The following VPS13C variants were observed in gnomAD, a reference collection of about 807,000 sequenced individuals.
The protein encoded by VPS13C is vacuolar protein sorting 13 homolog C.
A neutral mutation model predicts 456.8 loss-of-function variants in VPS13C; 358 were observed. The ratio of observed to expected loss-of-function variants is 0.78; its 90% CI spans 0.72 to 0.86. The LOEUF (loss-of-function observed/expected upper bound fraction) is 0.86, where lower values mean the gene tolerates loss of function less well. Ranked by LOEUF, VPS13C falls within the 40% of genes least tolerant of loss-of-function variation. The pLI, the probability that VPS13C is intolerant of heterozygous loss-of-function variation, is 0.00. For synonymous variants in VPS13C, 1,578 were observed against 1,486.7 expected, an observed-to-expected ratio of 1.06 and a Z score of -1.41; for missense variants, 4,818 against 4,385.4, an observed-to-expected ratio of 1.10 and a Z score of -2.79.
chr15:62,045,529 G>C (rs542515655), intron 1 of VPS13C, among the ~76,000 whole-genome samples: 1 of 151,810 alleles, frequency 6.6e-6, no homozygotes, highest in Non-Finnish European at 1.5e-5. Flanking sequence ...GTAACTGGAG[G>C]GTATAAGAAA....
At chr15:61,999,990 G>A (rs546099371) in intron 16 of VPS13C, among the ~76,000 whole-genome samples, 1 of 151,838 alleles carries the variant, frequency 6.6e-6, no homozygotes, top group South Asian at 2.1e-4. Context: ...AATTATCACA[G>A]TAGTATTCTA....
intron 66 of VPS13C, among the ~76,000 whole-genome samples, chr15:61,903,188 A>G (rs969478685): frequency 7.2e-5 from 11 of 151,952 alleles, no homozygotes; most frequent in African/African-American, 2.4e-4. Context: ...ACAAAAACAA[A>G]AACGCTGGGC....
Position 61,969,357 on chromosome 15 carries a change from A to G in VPS13C, c.2853T>C (p.Phe951=), listed in dbSNP as rs1200368529. Residue 951 remains phenylalanine, a synonymous_variant, in exon 28 of 85, where the codon TTT becomes TTC. Transcript: ENST00000644861. ...QLGTEATMRT[F]DLTVVSYLKK... ...TTAAATAAGATACCACAGTTAAGTC[A>G]AATGTTCTCATTGTGGCCTCTGTTC... is the stretch of plus-strand genomic sequence containing the variant. The G allele has an allele frequency of 6.2e-7, 1 of 1,604,376 alleles. No individual in the cohort carries two copies. Among genetic ancestry groups the G allele is most frequent in the Admixed American group, 1.7e-5 (1 of 58,482 alleles).
rs2048968154 is a variant in VPS13C at position 62,060,441 on chromosome 15, G to A, written c.-67C>T. On this transcript the variant is annotated 5_prime_UTR_variant, in exon 1 of 85. Transcript: ENST00000644861. Reference sequence around the variant, plus strand: ...CCGGCGCAGCTGAGGGCTGCGACCAGCGCTGCAAATGACAGCCCCTCCGGC... The same window carrying A: ...CCGGCGCAGCTGAGGGCTGCGACCAACGCTGCAAATGACAGCCCCTCCGGC... 4 of 814,932 alleles carry A rather than the reference G, an allele frequency of 4.9e-6. No individual in the cohort carries two copies. Among genetic ancestry groups the A allele is most frequent in the South Asian group, 4.6e-5 (3 of 65,312 alleles). The allele number at this position is 814,932 out of a possible 1,614,324, so 50.5% of individuals were successfully genotyped here.
intron 27 of VPS13C, 139 bp downstream of exon 27, chr15:61,972,486 G>T: frequency 1.4e-6 from 1 of 723,240 alleles, no homozygotes; most frequent in Non-Finnish European, 2.2e-6. Context: ...GTGAGAGTGT[G>T]TATGTGCATG....
At position 61,984,951 on chromosome 15, in the gene VPS13C, T is replaced by A; in HGVS notation, c.1627A>T (p.Ile543Leu). ...TCTGGAATATTCTTGTTTTCTCTTA[T>A]CGTAACAGAGGTGCTTACTAACTTC... ...TLKLVSTSVT[I>L]RENKNIPEIL... Residue 543 changes from isoleucine (I) to leucine (L), a missense_variant, in exon 19 of 85, where the codon ATA (isoleucine) becomes TTA (leucine). This residue lies in a region of VPS13C where 4,552 missense variants were observed against 4,130.6 expected (regional missense o/e 1.10). Coordinates refer to ENST00000644861, the MANE Select transcript of VPS13C (RefSeq NM_020821.3). 6.2e-7 allele frequency: 1 copy of A among 1,610,596 alleles called. No individual in the cohort carries two copies. Among genetic ancestry groups the A allele is most frequent in the South Asian group, 1.1e-5 (1 of 90,020 alleles).
intron 5 of VPS13C, 99 bp downstream of exon 5, chr15:62,033,342 C>T: frequency 1.5e-6 from 1 of 679,730 alleles, no homozygotes. Flanking sequence ...GTCTTTAGAA[C>T]TTCAACTTAT....
intron 1 of VPS13C, among the ~76,000 whole-genome samples, chr15:62,055,234 CT>C (rs111700043): frequency 7.4e-5 from 11 of 148,172 alleles, no homozygotes; most frequent in East Asian, 2.0e-4. Context: ...CCTTCTCAAC[CT>C]TTTTTTTTTG....
intron 18 of VPS13C, among the ~76,000 whole-genome samples, chr15:61,986,579 C>G (rs1408666072): frequency 7.2e-5 from 11 of 152,174 alleles, no homozygotes. Context: ...GGAAATAAAA[C>G]TAGGAAGTGA....
intron 11 of VPS13C, 95 bp from the exon 12 acceptor site, chr15:62,012,259 A>G (rs1596474742): frequency 4.0e-6 from 2 of 498,754 alleles, no homozygotes; most frequent in Non-Finnish European, 6.9e-6. Context: ...CACACACACA[A>G]AGCTTGGTTC....
chr15:61,874,799 ATTTG>A, intron 77 of VPS13C, 73 bp downstream of exon 77: 2 of 1,294,190 alleles, frequency 1.5e-6, no homozygotes, highest in Non-Finnish European at 2.1e-6. Context: ...AAATAAAAGC[ATTTG>A]TTTTTCATAA....
chr15:61,878,570 A>T (rs755787401), intron 74 of VPS13C, 37 bp downstream of exon 74: 9 of 1,597,228 alleles, frequency 5.6e-6, no homozygotes, highest in Non-Finnish European at 7.7e-6. Context: ...TGACCTTGGT[A>T]CACCTGCTTC....
At chr15:61,971,616 G>A (rs187429710) in intron 27 of VPS13C, among the ~76,000 whole-genome samples, 1 of 152,182 alleles carries the variant, frequency 6.6e-6, no homozygotes, top group Non-Finnish European at 1.5e-5. Context: ...GTACCTGATG[G>A]AAGCAAAGAC....
intron 47 of VPS13C, among the ~76,000 whole-genome samples, chr15:61,939,876 C>T (rs1441602176): frequency 6.6e-6 from 1 of 151,912 alleles, no homozygotes; most frequent in Non-Finnish European, 1.5e-5. Flanking sequence ...TGCCTGTAAT[C>T]ACTGCTACTC....
chr15:61,985,139 CATAA>C, intron 18 of VPS13C, 140 bp from the exon 19 acceptor site: 1 of 589,246 alleles, frequency 1.7e-6, no homozygotes, highest in Non-Finnish European at 2.6e-6. Flanking sequence ...ACATGCTCAC[CATAA>C]AGGAAAAATT....
At chr15:61,943,234 C>G (rs2044487388) in intron 45 of VPS13C, among the ~76,000 whole-genome samples, 1 of 152,100 alleles carries the variant, frequency 6.6e-6, no homozygotes, top group Admixed American at 6.6e-5. Flanking sequence ...TATCAAATGA[C>G]CAGTGTCATT....
rs904718043 is a variant in VPS13C, at chr15:61,854,870, C to T, written c.11160+1G>A. 2 of 1,603,270 alleles carry T rather than the reference C, an allele frequency of 1.2e-6. No individual in the cohort carries two copies. Among genetic ancestry groups the T allele is most frequent in the Middle Eastern group, 1.7e-4 (1 of 6,000 alleles). On this transcript the variant is annotated splice_donor_variant, in intron 84 of 84. Coordinates refer to ENST00000644861, the MANE Select transcript of VPS13C (RefSeq NM_020821.3). LOFTEE classifies it high-confidence loss of function. Reference sequence around the variant, plus strand: ...TGAGGCATGCTCTTTAAATTGTTTACCTCTGCTGTGGCGGTGTCCTTCAGG... The same window carrying T: ...TGAGGCATGCTCTTTAAATTGTTTATCTCTGCTGTGGCGGTGTCCTTCAGG...
chr15:61,949,121 T>C (rs967941322), intron 42 of VPS13C, among the ~76,000 whole-genome samples: 6 of 152,180 alleles, frequency 3.9e-5, no homozygotes, highest in African/African-American at 1.4e-4. Flanking sequence ...GACTGAATCA[T>C]AACTGAACTT....
At chr15:61,908,849 T>C in intron 65 of VPS13C, 143 bp downstream of exon 65, 1 of 916,216 alleles carries the variant, frequency 1.1e-6, no homozygotes, top group Non-Finnish European at 1.6e-6. Flanking sequence ...TCTCAAAACA[T>C]GTAAGGGTAT....
Sources: gnomAD v4.1 joint callset for allele counts (sites outside exome capture counted in the v4.1 genomes callset) on GRCh38, gnomAD v4.1.1 for gene constraint, gnomAD v4.1.1 regional missense constraint, MANE v1.5 for transcripts, NCBI Gene and HGNC (gene_info 2026-07-23, HGNC 2026-07-21) for gene names.